Variants in RGS7 observed in about 807,000 individuals in gnomAD.
RGS7 encodes the protein regulator of G-protein signaling 7.
A neutral mutation model predicts 81.1 loss-of-function variants in RGS7; 27 were observed. That is an observed-to-expected ratio of 0.33 (90% CI 0.25 to 0.46). RGS7 has a LOEUF of 0.46. Among genes scored for constraint, RGS7 ranks in the 20% least tolerant of loss-of-function variants. The pLI is 1.00. For synonymous variants in RGS7, 208 were observed against 207.7 expected (o/e 1.00, Z -0.01); for missense variants, 396 against 607.4 (o/e 0.65, Z 3.66).
chr1:241,220,993 GGA>G (rs1491286429), intron 2 of RGS7, among the ~76,000 whole-genome samples: 1,658 of 73,998 alleles, frequency 0.022, 23 homozygotes, highest in East Asian at 0.047. Flanking sequence ...AAGGAAGGAA[GGA>G]AGAGAGAGAG....
rs184919442 is a variant in RGS7, at chr1:240,909,929, G to C, written c.385+20788C>G. ...ATTAAATTAAACACCGAGCCACCTG[G>C]GTTTAGTTCGGTCACTTCCATAAGT... On this transcript the variant is annotated intron_variant, in intron 6 of 18. Coordinates refer to ENST00000440928, the MANE Select transcript of RGS7 (RefSeq NM_001364886.1). 3.6e-3 allele frequency among the ~76,000 whole-genome samples: 544 copies of C among 152,152 alleles called. 5 individuals carry two copies. The highest frequency in any genetic ancestry group is 0.013 in the African/African-American group (525 of 41,494).
At position 240,806,330 on chromosome 1, in the gene RGS7, T is replaced by C. The variant is rs1183041267; in HGVS notation, c.1083-4A>G. 1.2e-6 allele frequency: 2 copies of C among 1,613,644 alleles called. No individual in the cohort carries two copies. Among genetic ancestry groups the C allele is most frequent in the Admixed American group, 3.3e-5 (2 of 59,980 alleles). On this transcript the variant is annotated splice_region_variant and splice_polypyrimidine_tract_variant and intron_variant, in intron 14 of 18. Transcript: ENST00000440928. ...GTCCTCCACTGCCAGCCAGAATCTA[T>C]GCAGAATGTGAGATCGGGTGTTTAC... is the stretch of plus-strand genomic sequence containing the variant.
chr1:241,144,506 G>T lies in RGS7; in HGVS notation c.79-45744C>A, dbSNP rs577535095. On this transcript the variant is annotated intron_variant, in intron 2 of 18. Coordinates refer to ENST00000440928, the MANE Select transcript of RGS7 (RefSeq NM_001364886.1). The surrounding 1 kb of genome is among the most constrained non-coding windows in gnomAD (Gnocchi z 4.7). ...CCCCCTTCCTTGGGAAGCCATAAAT[G>T]CAACGTTTCACTGAGCAGCATGGAG... Among the ~76,000 whole-genome samples the T allele has an allele frequency of 1.8e-4, 27 of 152,236 alleles. No individual in the cohort carries two copies. The highest frequency in any genetic ancestry group is 6.3e-4 in the African/African-American group (26 of 41,554).
chr1:241,182,918 C>T (rs1245400261), intron 2 of RGS7, among the ~76,000 whole-genome samples: 1 of 151,626 alleles, frequency 6.6e-6, no homozygotes, highest in Non-Finnish European at 1.5e-5. Flanking sequence ...AGGTGATCCA[C>T]CCGCCTCAGC....
chr1:241,126,635 T>C (rs1010022433), intron 2 of RGS7, among the ~76,000 whole-genome samples: 9 of 152,198 alleles, frequency 5.9e-5, no homozygotes, highest in Admixed American at 1.3e-4. Context: ...ACAATATCCT[T>C]CTCACGGAGT....
chr1:240,972,243 A>C (rs1683321788), intron 4 of RGS7, among the ~76,000 whole-genome samples: 1 of 152,154 alleles, frequency 6.6e-6, no homozygotes, highest in Non-Finnish European at 1.5e-5. Context: ...AAGGTGCAGG[A>C]CACGTATGTT....
At chr1:240,991,100 A>G (rs78690090) in intron 3 of RGS7, among the ~76,000 whole-genome samples, 5,410 of 152,236 alleles carry the variant, frequency 0.036, 317 homozygotes, top group African/African-American at 0.12. Context: ...AAGTAAAAAT[A>G]TATTTCCCTA....
intron 3 of RGS7, among the ~76,000 whole-genome samples, chr1:240,989,994 A>G (rs532886116): frequency 1.7e-4 from 26 of 152,296 alleles, no homozygotes; most frequent in South Asian, 1.0e-3. Flanking sequence ...TGGGTCATGA[A>G]GGCTCACAGC....
intron 3 of RGS7, among the ~76,000 whole-genome samples, chr1:241,091,077 AG>A (rs1324418079): frequency 1.3e-5 from 2 of 152,328 alleles, no homozygotes; most frequent in Admixed American, 6.5e-5. Flanking sequence ...TGGGGCCAAA[AG>A]CTTGAACTCT....
intron 3 of RGS7, among the ~76,000 whole-genome samples, chr1:241,075,598 G>GA (rs11330128): frequency 3.3e-5 from 5 of 150,806 alleles, no homozygotes; most frequent in East Asian, 1.9e-4. Flanking sequence ...TACCTGATAA[G>GA]AAAAAAAAAT....
chr1:240,888,437 T>C (rs975400725), intron 6 of RGS7, among the ~76,000 whole-genome samples: 1 of 152,202 alleles, frequency 6.6e-6, no homozygotes, highest in African/African-American at 2.4e-5. Flanking sequence ...CAGGTGTGTG[T>C]GGATACTGGA....
chr1:240,936,468 T>C (rs937172700), intron 5 of RGS7, 132 bp downstream of exon 5: 29 of 698,986 alleles, frequency 4.1e-5, no homozygotes, highest in Admixed American at 3.0e-4. Context: ...TTAATGTTAA[T>C]CAGTTTCTAA....
intron 3 of RGS7, among the ~76,000 whole-genome samples, chr1:241,048,126 G>A (rs1288316278): frequency 6.6e-6 from 1 of 152,016 alleles, no homozygotes; most frequent in Admixed American, 6.6e-5. Context: ...AGTTTAAAAG[G>A]AAAGAGTCTA....
At chr1:241,099,781 A>T (rs1486437861) in intron 2 of RGS7, among the ~76,000 whole-genome samples, 2 of 152,292 alleles carry the variant, frequency 1.3e-5, no homozygotes, top group African/African-American at 4.8e-5. Flanking sequence ...CAGACATATG[A>T]CTGGGCACCG....
chr1:241,139,889 T>C (rs371252819), intron 2 of RGS7, among the ~76,000 whole-genome samples: 12 of 152,386 alleles, frequency 7.9e-5, no homozygotes, highest in African/African-American at 2.6e-4. Context: ...CTTCTGATCT[T>C]AAGAGTATTG....
intron 2 of RGS7, among the ~76,000 whole-genome samples, chr1:241,118,760 G>A (rs1342349074): frequency 6.6e-6 from 1 of 152,104 alleles, no homozygotes; most frequent in African/African-American, 2.4e-5. Context: ...AGGAGAGGGG[G>A]CCATTATCCT....
intron 11 of RGS7, among the ~76,000 whole-genome samples, chr1:240,815,414 C>T (rs1464190137): frequency 1.3e-5 from 2 of 152,078 alleles, no homozygotes; most frequent in Middle Eastern, 3.2e-3. Flanking sequence ...CAGAATCATA[C>T]TTCCCTCCAA....
intron 2 of RGS7, among the ~76,000 whole-genome samples, chr1:241,320,387 A>G (rs2081140463): frequency 6.6e-6 from 1 of 152,244 alleles, no homozygotes; most frequent in Non-Finnish European, 1.5e-5. Flanking sequence ...CTATCACACT[A>G]TAATAACTGT....
chr1:241,314,800 T>C (rs745443553), intron 2 of RGS7, among the ~76,000 whole-genome samples: 14 of 152,166 alleles, frequency 9.2e-5, no homozygotes, highest in Non-Finnish European at 1.3e-4. Flanking sequence ...GATAATTTTG[T>C]GTAGGCTGTA....
Sources: allele counts gnomAD v4.1 joint callset (sites outside exome capture counted in the v4.1 genomes callset), GRCh38; gene constraint gnomAD v4.1.1; non-coding constraint Gnocchi (gnomAD v3.1); transcripts MANE v1.5; gene names NCBI Gene and HGNC (gene_info 2026-07-23, HGNC 2026-07-21).